The following PTPN23 variants were observed in gnomAD, a reference collection of about 807,000 sequenced individuals.
PTPN23 encodes protein tyrosine phosphatase non-receptor type 23, also known as tyrosine-protein phosphatase non-receptor type 23.
In PTPN23, 72 loss-of-function variants were observed where a neutral mutation model predicts 156.3. The ratio of observed to expected loss-of-function variants is 0.46; its 90% confidence interval spans 0.38 to 0.56. The LOEUF (loss-of-function observed/expected upper bound fraction) is 0.56, where lower values mean the gene tolerates loss of function less well. Among genes scored for constraint, PTPN23 ranks in the 20% least tolerant of loss-of-function variants. The pLI is 0.00. For synonymous variants in PTPN23, 957 were observed against 899.6 expected, an observed-to-expected ratio of 1.06 and a Z score of -1.14; for missense variants, 1,974 against 2,171.5, an observed-to-expected ratio of 0.91 and a Z score of 1.81.
chr3:47,400,987 CCGCCT>C (rs1704982912), intron 2 of PTPN23, among the ~76,000 whole-genome samples: 1 of 151,724 alleles, frequency 6.6e-6, no homozygotes. Context: ...ACTGCAAGCT[CCGCCT>C]CCCGGGTTCA....
At chr3:47,392,054 T>C (rs572290850) in intron 1 of PTPN23, among the ~76,000 whole-genome samples, 1 of 152,134 alleles carries the variant, frequency 6.6e-6, no homozygotes, top group South Asian at 2.1e-4. Context: ...CGTGGCTAAT[T>C]CTTGTGCTTT....
At chr3:47,398,950 G>T (rs1704937313) in intron 2 of PTPN23, among the ~76,000 whole-genome samples, 1 of 152,174 alleles carries the variant, frequency 6.6e-6, no homozygotes, top group Non-Finnish European at 1.5e-5. Context: ...CCCTATATAT[G>T]TGGTTGCTTT....
In PTPN23 at chr3:47,382,541, G is replaced by A. The variant is rs532155098; in HGVS notation, c.84+1361G>A. On this transcript the variant is annotated intron_variant, in intron 1 of 24. Transcript: ENST00000265562. ...TTGCCATGTTGGTCAGACTGGTCTC[G>A]AACTCCTGACATCAGGTGATCCGCT... Among the ~76,000 whole-genome samples, 24 of 151,726 alleles carry A rather than the reference G, an allele frequency of 1.6e-4. No homozygotes were observed. In the South Asian group the frequency reaches 4.2e-3, roughly 26 times the overall value.
intron 17 of PTPN23, 50 bp downstream of exon 17, chr3:47,409,367 T>C: frequency 6.2e-7 from 1 of 1,613,438 alleles, no homozygotes; most frequent in Non-Finnish European, 8.5e-7. Flanking sequence ...GCCCCACCCT[T>C]AGGAGTCGAG....
chr3:47,410,281 C>A lies in PTPN23; in HGVS notation c.2483C>A (p.Thr828Lys). ...GCCCTCTACCCAGCCCCTGCCTACA[C>A]ACCGGAGCTGGGCCTTGTGCCCCGA... ...GPALYPAPAY[T>K]PELGLVPRSS... Residue 828 changes from threonine to lysine, a missense_variant, in exon 20 of 25, where the codon ACA (threonine) becomes AAA (lysine). This residue lies in a region of PTPN23 where 731 missense variants were observed against 669.1 expected (regional missense o/e 1.09). Coordinates refer to ENST00000265562, the MANE Select transcript of PTPN23 (RefSeq NM_015466.4). 6.2e-7 allele frequency: 1 copy of A among 1,607,522 alleles called. No homozygotes were observed.
intron 1 of PTPN23, among the ~76,000 whole-genome samples, chr3:47,389,485 T>TA (rs1704723244): frequency 1.3e-5 from 2 of 152,034 alleles, no homozygotes; most frequent in African/African-American, 4.8e-5. Flanking sequence ...CCAGGCATGG[T>TA]AGCTCACGCC....
chr3:47,381,542 G>A (rs914305421), intron 1 of PTPN23, among the ~76,000 whole-genome samples: 2 of 152,156 alleles, frequency 1.3e-5, no homozygotes, highest in South Asian at 4.1e-4. Context: ...AGCGGTGGGC[G>A]GCCCTGACCG....
At chr3:47,404,574 G>A in intron 2 of PTPN23, 78 bp from the exon 3 acceptor site, 1 of 1,574,762 alleles carries the variant, frequency 6.4e-7, no homozygotes, top group African/African-American at 1.3e-5. Flanking sequence ...GCATTTTCCT[G>A]GCATTTGTGA....
Position 47,405,879 on chromosome 3 carries a change from G to A in PTPN23, c.415-36G>A. On this transcript the variant is annotated intron_variant, in intron 5 of 24. Transcript: ENST00000265562. The surrounding 1 kb of genome is among the most constrained non-coding windows in gnomAD (Gnocchi z 4.7). ...CAAGTATGGATGAATCCTGACCCAT[G>A]GAGTGGACACAGGCCATCCTCCCAC... 6 of 1,609,372 alleles carry A rather than the reference G, an allele frequency of 3.7e-6. No homozygotes were observed. The highest frequency in any genetic ancestry group is 1.7e-5 in the Admixed American group (1 of 59,604).
At chr3:47,412,056 G>A (rs1462418652) in intron 21 of PTPN23, 38 bp from the exon 22 acceptor site, 3 of 1,611,670 alleles carry the variant, frequency 1.9e-6, no homozygotes, top group Admixed American at 1.7e-5. Context: ...GGTCAGGCCT[G>A]GCTCATAGGC....
At chr3:47,392,689 A>G (rs1704800000) in intron 1 of PTPN23, among the ~76,000 whole-genome samples, 1 of 152,156 alleles carries the variant, frequency 6.6e-6, no homozygotes, top group Non-Finnish European at 1.5e-5. Flanking sequence ...CTTTTATCAT[A>G]TTCTCAAAGG....
At chr3:47,381,418 G>C (rs1038562740) in intron 1 of PTPN23, among the ~76,000 whole-genome samples, 1 of 152,142 alleles carries the variant, frequency 6.6e-6, no homozygotes, top group South Asian at 2.1e-4. Flanking sequence ...CCCGGTTCCC[G>C]ACTTCTGCCC....
intron 1 of PTPN23, among the ~76,000 whole-genome samples, chr3:47,384,161 T>C (rs1433690903): frequency 6.6e-6 from 1 of 151,626 alleles, no homozygotes; most frequent in Non-Finnish European, 1.5e-5. Context: ...ATTATAGTGA[T>C]GACATTAAGA....
intron 2 of PTPN23, among the ~76,000 whole-genome samples, chr3:47,398,313 A>C (rs1704921355): frequency 6.6e-6 from 1 of 152,122 alleles, no homozygotes; most frequent in South Asian, 2.1e-4. Flanking sequence ...AAAAGCTAGA[A>C]ATTATTACAC....
Position 47,407,902 on chromosome 3 carries a change from C to T in PTPN23, c.1131C>T (p.Ala377=). 1 of 1,614,162 alleles carries T rather than the reference C, an allele frequency of 6.2e-7. No homozygotes were observed. Among genetic ancestry groups the T allele is most frequent in the Non-Finnish European group, 8.5e-7 (1 of 1,180,030 alleles). ...GTCGCTTCTGCAGTGAGGAGAAGGC[C>T]AAGCTGCTCCGGGAGATGATGGCCA... ...EASSLYSEEK[A]KLLREMMAKI... Residue 377 remains alanine (A), a synonymous_variant, in exon 14 of 25, where the codon GCC becomes GCT. Transcript: ENST00000265562. The surrounding 1 kb of genome is among the most constrained non-coding windows in gnomAD (Gnocchi z 4.0).
intron 2 of PTPN23, among the ~76,000 whole-genome samples, chr3:47,401,077 AT>A (rs1292034084): frequency 2.0e-5 from 3 of 150,730 alleles, no homozygotes; most frequent in Non-Finnish European, 4.4e-5. Context: ...TAATTTTTGT[AT>A]TTTTAGTAGA....
rs1287485562 is a variant in PTPN23, at chr3:47,405,949, C to T, written c.449C>T (p.Ala150Val). The change falls in exon 6 of 25, where the codon GCA (alanine) becomes GTA (valine). Residue 150 changes from alanine (A) to valine (V), a missense_variant. This residue lies in a region of PTPN23 where 726 missense variants were observed against 929.5 expected (regional missense o/e 0.78). Coordinates refer to ENST00000265562, the MANE Select transcript of PTPN23 (RefSeq NM_015466.4). This position sits in a 1 kb window ranked among gnomAD's most constrained non-coding sequence, Gnocchi z 4.7. ...MKVSCTHFQCAAGAFAYLREH... is the reference protein window; with the variant it reads ...MKVSCTHFQCVAGAFAYLREH... ...GTCTCCTGTACCCATTTCCAGTGCG[C>T]AGCCGGCGCCTTCGCCTACCTACGG... 6.2e-7 allele frequency: 1 copy of T among 1,614,002 alleles called. No individual in the cohort carries two copies. The highest frequency in any genetic ancestry group is 1.1e-5 in the South Asian group (1 of 91,080).
chr3:47,404,622 C>G, intron 2 of PTPN23, 30 bp from the exon 3 acceptor site: 1 of 1,611,462 alleles, frequency 6.2e-7, no homozygotes, highest in South Asian at 1.1e-5. Flanking sequence ...CATATGACAA[C>G]AGGCCTGCTT....
chr3:47,382,113 G>T (rs1202219929), intron 1 of PTPN23, among the ~76,000 whole-genome samples: 1 of 152,114 alleles, frequency 6.6e-6, no homozygotes, highest in Non-Finnish European at 1.5e-5. Flanking sequence ...AAGACAAATA[G>T]GAAAAAGAAA....
Sources: gnomAD v4.1 joint callset for allele counts (sites outside exome capture counted in the v4.1 genomes callset) on GRCh38, gnomAD v4.1.1 for gene constraint, gnomAD v4.1.1 regional missense constraint, Gnocchi (gnomAD v3.1) non-coding constraint, MANE v1.5 for transcripts, NCBI Gene and HGNC (gene_info 2026-07-23, HGNC 2026-07-21) for gene names.